The following ADCY2 variants were observed in gnomAD, a reference collection of about 807,000 sequenced individuals.
ADCY2 encodes the protein adenylate cyclase 2.
Under a neutral mutation model 125.2 loss-of-function variants are expected in ADCY2, and 31 were observed. That is an observed-to-expected ratio of 0.25 (90% CI 0.19 to 0.33). The LOEUF is 0.33. ADCY2 is among the 10% of genes least tolerant of loss of function. The pLI is 1.00. For missense variants in ADCY2, 904 were observed against 1,418.2 expected, an observed-to-expected ratio of 0.64 and a Z score of 5.82; for synonymous variants, 512 against 548.4, an observed-to-expected ratio of 0.93 and a Z score of 0.93.
intron 3 of ADCY2, among the ~76,000 whole-genome samples, chr5:7,572,602 T>G (rs954413875): frequency 6.6e-6 from 1 of 152,134 alleles, no homozygotes; most frequent in Non-Finnish European, 1.5e-5. Context: ...GGTTGTCTGT[T>G]TACTCTGTTG....
chr5:7,766,776 T>C lies in ADCY2; in HGVS notation c.2184T>C (p.Ile728=). Residue 728 remains isoleucine (I), a synonymous_variant, in exon 17 of 25, where the codon ATT becomes ATC. Coordinates refer to ENST00000338316, the MANE Select transcript of ADCY2 (RefSeq NM_020546.3). ...CAGCCTCAAATAATCAGGTGGCGAT[T>C]CTGCGTGCGCAGAATTTATTTTTCC... ...SFSASNNQVA[I]LRAQNLFFLP... 1 of 1,611,148 alleles carries C rather than the reference T, an allele frequency of 6.2e-7. No individual in the cohort carries two copies.
chr5:7,806,721 C>T (rs1403264192), intron 22 of ADCY2, among the ~76,000 whole-genome samples: 1 of 152,142 alleles, frequency 6.6e-6, no homozygotes, highest in East Asian at 1.9e-4. Flanking sequence ...ATAATTACCT[C>T]CTAACAAAGC....
At chr5:7,706,113 A>G (rs542656118) in intron 7 of ADCY2, among the ~76,000 whole-genome samples, 2 of 152,334 alleles carry the variant, frequency 1.3e-5, no homozygotes, top group African/African-American at 4.8e-5. Context: ...AGCATTGCCA[A>G]GCATTTCCAT....
intron 2 of ADCY2, among the ~76,000 whole-genome samples, chr5:7,483,780 C>A (rs1053360353): frequency 2.0e-5 from 3 of 152,190 alleles, no homozygotes. Flanking sequence ...GAATGGCCTC[C>A]TATTTCATCT....
intron 3 of ADCY2, among the ~76,000 whole-genome samples, chr5:7,606,504 T>C (rs116058689): frequency 1.4e-3 from 206 of 152,340 alleles, no homozygotes; most frequent in African/African-American, 4.8e-3. Context: ...GAAGAGATTA[T>C]TTTACATTTA....
At chr5:7,751,505 C>G (rs1157608435) in intron 15 of ADCY2, among the ~76,000 whole-genome samples, 2 of 152,100 alleles carry the variant, frequency 1.3e-5, no homozygotes, top group Admixed American at 6.5e-5. Flanking sequence ...CTGCCATAGC[C>G]CCAAGGATTT....
rs184334098 is a variant in ADCY2, at chr5:7,591,746, A to G, written c.571-34421A>G. Among the ~76,000 whole-genome samples, 321 of 152,322 alleles carry G rather than the reference A, an allele frequency of 2.1e-3. 1 individual carries two copies. Among genetic ancestry groups the G allele is most frequent in the Non-Finnish European group, 3.4e-3 (229 of 68,034 alleles). On this transcript the variant is annotated intron_variant, in intron 3 of 24. Transcript: ENST00000338316. ...AAAAACCCAGGAAGGCAATCCACGC[A>G]TAGAATCAAACACACCTAGGTTAGA...
At chr5:7,784,267 A>G (rs1744014292) in intron 18 of ADCY2, 98 bp from the exon 19 acceptor site, 1 of 871,228 alleles carries the variant, frequency 1.1e-6, no homozygotes, top group African/African-American at 1.7e-5. Flanking sequence ...GTAGACAGGC[A>G]CTAGAGAATC....
intron 16 of ADCY2, among the ~76,000 whole-genome samples, chr5:7,758,264 G>A (rs184515455): frequency 6.6e-6 from 1 of 152,280 alleles, no homozygotes; most frequent in Non-Finnish European, 1.5e-5. Flanking sequence ...TTGAACCAAT[G>A]GCCACTCTGA....
chr5:7,454,170 A>T lies in ADCY2; in HGVS notation c.408+39400A>T, dbSNP rs549786297. Reference sequence around the variant, plus strand: ...GCTGTCTTCTGTAGCACCTTGAGTCAGCGGCTGTCAACACTGAGGCAAGAC... The same window carrying T: ...GCTGTCTTCTGTAGCACCTTGAGTCTGCGGCTGTCAACACTGAGGCAAGAC... On this transcript the variant is annotated intron_variant, in intron 2 of 24. Transcript: ENST00000338316. 1.2e-3 allele frequency among the ~76,000 whole-genome samples: 179 copies of T among 152,312 alleles called. 1 individual carries two copies. The highest frequency in any genetic ancestry group is 4.2e-3 in the African/African-American group (174 of 41,558).
chr5:7,687,102 G>A (rs1326301425), intron 4 of ADCY2, among the ~76,000 whole-genome samples: 2 of 152,062 alleles, frequency 1.3e-5, no homozygotes, highest in Non-Finnish European at 2.9e-5. Flanking sequence ...AAATTCACAT[G>A]GATTCTTTAG....
At chr5:7,439,326 C>T (rs544149940) in intron 2 of ADCY2, among the ~76,000 whole-genome samples, 22 of 152,006 alleles carry the variant, frequency 1.4e-4, no homozygotes, top group South Asian at 1.0e-3. Flanking sequence ...TCTTACATGG[C>T]GGCAGGCAAG....
chr5:7,565,154 T>A (rs1735850753), intron 3 of ADCY2, among the ~76,000 whole-genome samples: 1 of 152,240 alleles, frequency 6.6e-6, no homozygotes, highest in Admixed American at 6.5e-5. Flanking sequence ...CATGCTGGAC[T>A]AGAAGGAAAA....
At chr5:7,604,090 G>C (rs1400645064) in intron 3 of ADCY2, among the ~76,000 whole-genome samples, 14 of 23,364 alleles carry the variant, frequency 6.0e-4, no homozygotes, top group African/African-American at 2.8e-3. Context: ...TCTTGCGATA[G>C]TTTACTGAGA....
At chr5:7,514,561 A>G (rs1418691506) in intron 2 of ADCY2, among the ~76,000 whole-genome samples, 1 of 152,184 alleles carries the variant, frequency 6.6e-6, no homozygotes, top group Non-Finnish European at 1.5e-5. Flanking sequence ...GTTCTCCAAG[A>G]AACATATATT....
chr5:7,505,926 C>T (rs989641281), intron 2 of ADCY2, among the ~76,000 whole-genome samples: 1 of 151,862 alleles, frequency 6.6e-6, no homozygotes, highest in Admixed American at 6.6e-5. Context: ...AGGACCAAAA[C>T]AGTGAATATA....
intron 24 of ADCY2, among the ~76,000 whole-genome samples, chr5:7,824,142 G>A (rs1055065867): frequency 1.3e-5 from 2 of 152,242 alleles, no homozygotes; most frequent in South Asian, 2.1e-4. Flanking sequence ...AATAAAAAAC[G>A]ATGCCCAGAC....
chr5:7,824,959 C>G lies in ADCY2; in HGVS notation c.3124-1760C>G, dbSNP rs533514552. 4.6e-5 allele frequency among the ~76,000 whole-genome samples: 7 copies of G among 152,350 alleles called. No individual in the cohort carries two copies. In the East Asian group the frequency reaches 1.2e-3, roughly 25 times the overall value. ...CTGGAGCTTTGCTGTTGACACGGCC[C>G]CCACCTTTGCACCTTCCCCGGGACA... On this transcript the variant is annotated intron_variant, in intron 24 of 24. Coordinates refer to ENST00000338316, the MANE Select transcript of ADCY2 (RefSeq NM_020546.3).
intron 2 of ADCY2, among the ~76,000 whole-genome samples, chr5:7,466,553 T>C (rs1742123715): frequency 6.6e-6 from 1 of 152,200 alleles, no homozygotes; most frequent in Non-Finnish European, 1.5e-5. Context: ...CTCCAGAGCC[T>C]CTGTCTCTAA....
Sources: gnomAD v4.1 joint callset for allele counts (sites outside exome capture counted in the v4.1 genomes callset) on GRCh38, gnomAD v4.1.1 for gene constraint, MANE v1.5 for transcripts, NCBI Gene and HGNC (gene_info 2026-07-23, HGNC 2026-07-21) for gene names.